TMTC2: variants seen among roughly 807,000 people sequenced by gnomAD.
TMTC2 encodes protein O-mannosyl-transferase TMTC2.
A neutral mutation model predicts 82.4 loss-of-function variants in TMTC2; 43 were observed. The observed-to-expected ratio is 0.52, with a 90% CI of 0.41 to 0.67. The LOEUF (loss-of-function observed/expected upper bound fraction) is 0.67, where lower values mean the gene tolerates loss of function less well. Ranked by LOEUF, TMTC2 falls within the 30% of genes least tolerant of loss-of-function variation. TMTC2 has a pLI of 0.00. For synonymous variants in TMTC2, 408 were observed against 381.9 expected (o/e 1.07, Z -0.80); for missense variants, 919 against 1,012.4 (o/e 0.91, Z 1.25).
chr12:82,872,034 GC>G (rs1872222187), intron 2 of TMTC2, among the ~76,000 whole-genome samples: 1 of 85,382 alleles, frequency 1.2e-5, no homozygotes, highest in South Asian at 4.1e-4. Context: ...CCCCGCAGTT[GC>G]CTAGTATGCA....
At chr12:83,001,165 G>C (rs193196003) in intron 8 of TMTC2, among the ~76,000 whole-genome samples, 5 of 152,260 alleles carry the variant, frequency 3.3e-5, no homozygotes, top group African/African-American at 1.2e-4. Context: ...TCGGCTCCTC[G>C]TTACTTATGC....
intron 3 of TMTC2, among the ~76,000 whole-genome samples, chr12:82,917,459 G>A (rs1326689643): frequency 6.6e-6 from 1 of 152,036 alleles, no homozygotes; most frequent in Admixed American, 6.6e-5. Context: ...ATCTTTTTGA[G>A]TGTCACTTCT....
chr12:82,764,651 A>G (rs1876843324), intron 1 of TMTC2, among the ~76,000 whole-genome samples: 2 of 152,200 alleles, frequency 1.3e-5, no homozygotes, highest in South Asian at 4.1e-4. Flanking sequence ...CAATCATTTT[A>G]GGAGGTTTAT....
intron 7 of TMTC2, among the ~76,000 whole-genome samples, chr12:82,975,651 T>C (rs1292292030): frequency 6.6e-6 from 1 of 152,158 alleles, no homozygotes; most frequent in Non-Finnish European, 1.5e-5. Context: ...AAATTATTCA[T>C]TGCCTATTAT....
chr12:82,998,237 G>A (rs1489173708), intron 8 of TMTC2, among the ~76,000 whole-genome samples: 2 of 152,028 alleles, frequency 1.3e-5, no homozygotes, highest in Non-Finnish European at 2.9e-5. Flanking sequence ...ATGATGGGTG[G>A]ACGGAGATAA....
chr12:83,029,893 G>A (rs1023893892), intron 8 of TMTC2, among the ~76,000 whole-genome samples: 1 of 152,056 alleles, frequency 6.6e-6, no homozygotes, highest in Non-Finnish European at 1.5e-5. Flanking sequence ...TATTTTCCTT[G>A]TGCGTATGAT....
chr12:82,716,833 C>T (rs891089809), intron 1 of TMTC2, among the ~76,000 whole-genome samples: 1 of 152,140 alleles, frequency 6.6e-6, no homozygotes, highest in Non-Finnish European at 1.5e-5. Flanking sequence ...AAAGCCAAGA[C>T]TTAAGGTTAG....
intron 1 of TMTC2, among the ~76,000 whole-genome samples, chr12:82,693,663 T>G (rs1872666863): frequency 6.6e-6 from 1 of 152,176 alleles, no homozygotes; most frequent in South Asian, 2.1e-4. Flanking sequence ...GTTTTGATAC[T>G]CAAGGTTTCT....
intron 9 of TMTC2, among the ~76,000 whole-genome samples, chr12:83,037,882 C>CT (rs1333343208): frequency 6.6e-6 from 1 of 151,876 alleles, no homozygotes; most frequent in Non-Finnish European, 1.5e-5. Flanking sequence ...AGAATAATTT[C>CT]TTTAAAGGCA....
intron 1 of TMTC2, among the ~76,000 whole-genome samples, chr12:82,763,703 G>C (rs1310802947): frequency 1.3e-5 from 2 of 152,102 alleles, no homozygotes; most frequent in African/African-American, 4.8e-5. Context: ...ACTTAAGAAG[G>C]AAAATAAAGC....
chr12:82,700,806 C>T (rs1873039733), intron 1 of TMTC2, among the ~76,000 whole-genome samples: 1 of 152,018 alleles, frequency 6.6e-6, no homozygotes, highest in African/African-American at 2.4e-5. Context: ...TACAGAAATA[C>T]CTGAAACTGA....
At chr12:82,689,079 C>G (rs1872465207) in intron 1 of TMTC2, among the ~76,000 whole-genome samples, 2 of 152,250 alleles carry the variant, frequency 1.3e-5, no homozygotes, top group Non-Finnish European at 1.5e-5. Context: ...AGCAACTACA[C>G]AGCATGCTCT....
intron 2 of TMTC2, among the ~76,000 whole-genome samples, chr12:82,885,316 G>GT (rs566703402): frequency 3.0e-4 from 46 of 151,592 alleles, no homozygotes; most frequent in African/African-American, 6.0e-4. Flanking sequence ...CTGGGAATAA[G>GT]TTTTTTTTAA....
intron 2 of TMTC2, among the ~76,000 whole-genome samples, chr12:82,873,098 A>G (rs764287664): frequency 2.0e-5 from 3 of 152,166 alleles, no homozygotes; most frequent in Non-Finnish European, 4.4e-5. Flanking sequence ...CATTTAAAGA[A>G]TGCAGTGTAT....
At chr12:82,886,300 A>G (rs143156155) in intron 2 of TMTC2, among the ~76,000 whole-genome samples, 73 of 152,342 alleles carry the variant, frequency 4.8e-4, no homozygotes, top group Non-Finnish European at 9.6e-4. Context: ...GAGCCCTGAT[A>G]CACTTTATTG....
At chr12:83,036,766 G>C (rs1881679769) in intron 9 of TMTC2, among the ~76,000 whole-genome samples, 1 of 152,140 alleles carries the variant, frequency 6.6e-6, no homozygotes, top group African/African-American at 2.4e-5. Context: ...ATAAAGAAAA[G>C]AGGTTTATTT....
At chr12:82,697,602 A>G (rs534415778) in intron 1 of TMTC2, among the ~76,000 whole-genome samples, 2 of 152,318 alleles carry the variant, frequency 1.3e-5, no homozygotes, top group African/African-American at 4.8e-5. Context: ...CTTTAAGTTG[A>G]TCCTATGAGT....
At chr12:83,023,523 T>G (rs1289561753) in intron 8 of TMTC2, among the ~76,000 whole-genome samples, 1 of 152,186 alleles carries the variant, frequency 6.6e-6, no homozygotes, top group Non-Finnish European at 1.5e-5. Flanking sequence ...GGAAGCATAA[T>G]GGTGCTCACA....
chr12:83,013,875 T>C (rs995569240), intron 8 of TMTC2, among the ~76,000 whole-genome samples: 4 of 152,150 alleles, frequency 2.6e-5, no homozygotes, highest in Admixed American at 2.6e-4. Flanking sequence ...TTTTGGAAAA[T>C]ACATATTTCT....
Sources: allele counts gnomAD v4.1 joint callset (sites outside exome capture counted in the v4.1 genomes callset), GRCh38; gene constraint gnomAD v4.1.1; transcripts MANE v1.5; gene names NCBI Gene and HGNC (gene_info 2026-07-23, HGNC 2026-07-21).